The following DIP2A variants were observed in gnomAD, a reference collection of about 807,000 sequenced individuals.
DIP2A encodes disco-interacting protein 2 homolog A.
In DIP2A, 85 loss-of-function variants were observed where a neutral mutation model predicts 177.4. That is an observed-to-expected ratio of 0.48 (90% CI 0.40 to 0.57). The LOEUF (loss-of-function observed/expected upper bound fraction) is 0.57. DIP2A is among the 20% of genes least tolerant of loss of function. The pLI, the probability that DIP2A is intolerant of heterozygous loss-of-function variation, is 0.00. For synonymous variants in DIP2A, 886 were observed against 881.8 expected, an observed-to-expected ratio of 1.00 and a Z score of -0.08; for missense variants, 1,791 against 2,100.2, an observed-to-expected ratio of 0.85 and a Z score of 2.88.
chr21:46,572,388 C>T (rs1601885771), downstream of DIP2A, among the ~76,000 whole-genome samples: 1 of 145,816 alleles, frequency 6.9e-6, no homozygotes, highest in African/African-American at 2.7e-5. Context: ...ATTCATTCAC[C>T]ACTTACACCC....
At chr21:46,482,861 G>A (rs866953971) in intron 1 of DIP2A, among the ~76,000 whole-genome samples, 5 of 152,340 alleles carry the variant, frequency 3.3e-5, no homozygotes, top group Middle Eastern at 3.4e-3. Context: ...CTGTGATGCA[G>A]ATTAATTGCC....
chr21:46,473,703 A>G (rs776289945), intron 1 of DIP2A, among the ~76,000 whole-genome samples: 3 of 152,018 alleles, frequency 2.0e-5, no homozygotes, highest in Non-Finnish European at 4.4e-5. Flanking sequence ...TTTAGTAAAG[A>G]TGGGGTTTCA....
intron 3 of DIP2A, among the ~76,000 whole-genome samples, chr21:46,492,151 T>C (rs2057049608): frequency 6.6e-6 from 1 of 152,250 alleles, no homozygotes; most frequent in African/African-American, 2.4e-5. Context: ...TGTGATCTTT[T>C]TTTTTAGTTA....
rs972350871 is a variant in DIP2A, at chr21:46,533,572, T to G, written c.1354T>G (p.Phe452Val). Residue 452 changes from phenylalanine to valine, a missense_variant, in exon 11 of 38, where the codon TTC (phenylalanine) becomes GTC (valine). Transcript: ENST00000417564. Reference sequence around the variant, plus strand: ...GTTTCTGCTGGGCAGCTGTGGAGTCTTCTTGGCCCTGACCACAGACGCTTG... The same window carrying G: ...GTTTCTGCTGGGCAGCTGTGGAGTCGTCTTGGCCCTGACCACAGACGCTTG... The part of the protein sequence containing the change: ...VGFLLGSCGV[F>V]LALTTDACQK... 5 of 1,613,906 alleles carry G rather than the reference T, an allele frequency of 3.1e-6. No homozygotes were observed. The African/African-American group carries it at 4.0e-5, about 13-fold the overall frequency.
intron 20 of DIP2A, 155 bp downstream of exon 20, chr21:46,546,116 C>T: frequency 6.7e-7 from 1 of 1,484,412 alleles, no homozygotes; most frequent in Non-Finnish European, 9.0e-7. Context: ...ATCACCCTAC[C>T]TGTGTGCAGG....
chr21:46,516,625 T>A (rs142169340), intron 8 of DIP2A, among the ~76,000 whole-genome samples: 5 of 151,482 alleles, frequency 3.3e-5, no homozygotes, highest in Non-Finnish European at 5.9e-5. Context: ...CCTGAATAGC[T>A]GGGACTATAG....
Position 46,537,376 on chromosome 21 carries a change from A to C in DIP2A, c.1708-70A>C. The C allele has an allele frequency of 6.2e-7, 1 of 1,609,670 alleles. No individual in the cohort carries two copies. Among genetic ancestry groups the C allele is most frequent in the South Asian group, 1.1e-5 (1 of 91,032 alleles). ...GCCTGAAATGTTGTTGGGAGAGTAC[A>C]TCGGTTTTGTTTTGCTTTTTCTGGT... On this transcript the variant is annotated intron_variant, in intron 14 of 37. Transcript: ENST00000417564. The surrounding 1 kb of genome is among the most constrained non-coding windows in gnomAD (Gnocchi z 4.1).
intron 3 of DIP2A, among the ~76,000 whole-genome samples, chr21:46,496,327 A>G (rs1485967183): frequency 6.6e-6 from 1 of 152,166 alleles, no homozygotes; most frequent in Non-Finnish European, 1.5e-5. Flanking sequence ...AATCTATATG[A>G]CAATGCCTTC....
downstream of DIP2A, among the ~76,000 whole-genome samples, chr21:46,573,827 CAAT>C (rs2060980328): frequency 6.6e-6 from 1 of 151,822 alleles, no homozygotes; most frequent in South Asian, 2.1e-4. Context: ...TTTACACATA[CAAT>C]GACAGATCAT....
chr21:46,578,147 A>G, the DIP2A span, among the ~76,000 whole-genome samples: 12 of 152,274 alleles, frequency 7.9e-5, no homozygotes, highest in South Asian at 2.5e-3. Context: ...TCCTGTCTCT[A>G]GTAAAAATAC....
intron 17 of DIP2A, among the ~76,000 whole-genome samples, chr21:46,540,812 G>C (rs1286285459): frequency 6.6e-6 from 1 of 152,014 alleles, no homozygotes; most frequent in African/African-American, 2.4e-5. Flanking sequence ...TTAGGAGTTC[G>C]AGACCGGCCT....
At chr21:46,490,373 G>A (rs940511173) in intron 2 of DIP2A, among the ~76,000 whole-genome samples, 1 of 152,184 alleles carries the variant, frequency 6.6e-6, no homozygotes, top group Non-Finnish European at 1.5e-5. Flanking sequence ...CCTTCATGCG[G>A]ATGGTGAATG....
chr21:46,496,003 C>T (rs1000320125), intron 3 of DIP2A, among the ~76,000 whole-genome samples: 6 of 151,932 alleles, frequency 3.9e-5, no homozygotes, highest in Middle Eastern at 3.4e-3. Context: ...ACCCGGGAGG[C>T]GGAGATTGCA....
chr21:46,512,443 T>C (rs2058354891), intron 8 of DIP2A, among the ~76,000 whole-genome samples: 1 of 152,208 alleles, frequency 6.6e-6, no homozygotes, highest in African/African-American at 2.4e-5. Flanking sequence ...GTTATCTCTT[T>C]TCTCACCAGC....
intron 10 of DIP2A, among the ~76,000 whole-genome samples, chr21:46,532,809 A>G (rs2059408487): frequency 6.6e-6 from 1 of 152,186 alleles, no homozygotes; most frequent in South Asian, 2.1e-4. Flanking sequence ...TTTTTGATAT[A>G]ACTATCAATA....
chr21:46,580,926 G>T, the DIP2A span, among the ~76,000 whole-genome samples: 1 of 152,074 alleles, frequency 6.6e-6, no homozygotes, highest in Non-Finnish European at 1.5e-5. Flanking sequence ...GTGTCTTGGG[G>T]CTGATCTTCT....
intron 1 of DIP2A, among the ~76,000 whole-genome samples, chr21:46,463,680 T>TTGTGTGTGTGTG (rs5844275): frequency 0.015 from 2,026 of 130,946 alleles, 21 homozygotes; most frequent in Middle Eastern, 0.044. Context: ...TGGGATATAT[T>TTGTGTGTGTGTG]TGTGTGTGTG....
At chr21:46,491,685 G>C (rs2148482009) in intron 3 of DIP2A, among the ~76,000 whole-genome samples, 1 of 152,318 alleles carries the variant, frequency 6.6e-6, no homozygotes, top group South Asian at 2.1e-4. Context: ...CCTGGATGCA[G>C]ATGCACGCAC....
rs1227134131 is a variant in DIP2A, at chr21:46,547,053, G to T, written c.2522+11G>T. On this transcript the variant is annotated intron_variant, in intron 21 of 37. Coordinates refer to ENST00000417564, the MANE Select transcript of DIP2A (RefSeq NM_015151.4). ...TGTCTACAGAGGCAGGTGATGCGCT[G>T]CGGACCCCCACGCCGGGAGTAGATT... is the stretch of plus-strand genomic sequence containing the variant. 1 of 1,611,912 alleles carries T rather than the reference G, an allele frequency of 6.2e-7. No homozygotes were observed. Among genetic ancestry groups the T allele is most frequent in the Non-Finnish European group, 8.5e-7 (1 of 1,178,164 alleles).
Sources: gnomAD v4.1 joint callset for allele counts (sites outside exome capture counted in the v4.1 genomes callset) on GRCh38, gnomAD v4.1.1 for gene constraint, Gnocchi (gnomAD v3.1) non-coding constraint, MANE v1.5 for transcripts, NCBI Gene and HGNC (gene_info 2026-07-23, HGNC 2026-07-21) for gene names.